Variants in BMERB1 observed in about 807,000 individuals in gnomAD.
BMERB1 encodes bMERB domain containing 1, also known as bMERB domain-containing protein 1.
In BMERB1, 12 loss-of-function variants were observed where a neutral mutation model predicts 23.6. That is an observed-to-expected ratio of 0.51 (90% confidence interval 0.33 to 0.82). The LOEUF (loss-of-function observed/expected upper bound fraction) is 0.82. BMERB1 is among the 40% of genes least tolerant of loss of function. BMERB1 has a pLI of 0.03. For missense variants in BMERB1, 247 were observed against 255.4 expected, an observed-to-expected ratio of 0.97 and a Z score of 0.22; for synonymous variants, 122 against 96.6, an observed-to-expected ratio of 1.26 and a Z score of -1.54.
chr16:15,498,237 A>T (rs1356602886), intron 1 of BMERB1, among the ~76,000 whole-genome samples: 1 of 150,354 alleles, frequency 6.7e-6, no homozygotes, highest in East Asian at 1.9e-4. Context: ...GGAGCACAAT[A>T]AAAAAACTCT....
chr16:15,552,680 C>T (rs921095005), intron 2 of BMERB1, among the ~76,000 whole-genome samples: 1 of 152,204 alleles, frequency 6.6e-6, no homozygotes, highest in Non-Finnish European at 1.5e-5. Flanking sequence ...GTGGGAAGAG[C>T]CCTGCTGTCT....
chr16:15,563,423 G>A (rs1269775042), intron 2 of BMERB1, among the ~76,000 whole-genome samples: 1 of 151,984 alleles, frequency 6.6e-6, no homozygotes, highest in African/African-American at 2.4e-5. Flanking sequence ...GTTTCACCAT[G>A]TTAGACAGGA....
At chr16:15,570,578 G>C (rs1280710152) in intron 3 of BMERB1, among the ~76,000 whole-genome samples, 2 of 152,108 alleles carry the variant, frequency 1.3e-5, no homozygotes, top group East Asian at 3.9e-4. Flanking sequence ...ACCTGAAAGG[G>C]ATCCTGATCC....
At chr16:15,584,557 CAA>C (rs35390787) in intron 5 of BMERB1, among the ~76,000 whole-genome samples, 13 of 125,122 alleles carry the variant, frequency 1.0e-4, no homozygotes, top group Non-Finnish European at 1.3e-4. Flanking sequence ...GACTCCATCT[CAA>C]AAAAAAAAAA....
intron 1 of BMERB1, among the ~76,000 whole-genome samples, chr16:15,512,744 T>G (rs1432569480): frequency 6.6e-6 from 1 of 152,012 alleles, no homozygotes; most frequent in Non-Finnish European, 1.5e-5. Flanking sequence ...CTGGGCATGG[T>G]GGCACGAGCC....
rs141517792 is a variant in BMERB1 at position 15,568,365 on chromosome 16, C to T, written c.304+309C>T. On this transcript the variant is annotated intron_variant, in intron 3 of 5. Transcript: ENST00000300006. Reference sequence around the variant, plus strand: ...ATAAATATCCTAAAGAGGCTGGGCACGGTGGCTAATGCCTGTAATCCCAGC... The same window carrying T: ...ATAAATATCCTAAAGAGGCTGGGCATGGTGGCTAATGCCTGTAATCCCAGC... 1.4e-3 allele frequency among the ~76,000 whole-genome samples: 216 copies of T among 152,256 alleles called. 1 individual carries two copies. Among genetic ancestry groups the T allele is most frequent in the South Asian group, 2.3e-3 (11 of 4,824 alleles).
intron 1 of BMERB1, among the ~76,000 whole-genome samples, chr16:15,485,450 G>A (rs1289893611): frequency 1.3e-5 from 2 of 152,116 alleles, no homozygotes; most frequent in Non-Finnish European, 2.9e-5. Flanking sequence ...TATTACCAGC[G>A]CTGAGAAACC....
intron 3 of BMERB1, among the ~76,000 whole-genome samples, chr16:15,579,534 G>A (rs895969313): frequency 2.0e-5 from 3 of 152,124 alleles, no homozygotes; most frequent in Admixed American, 1.3e-4. Context: ...AATGATCAAC[G>A]TCAGTCGTGG....
chr16:15,541,889 A>G (rs11649313), intron 2 of BMERB1, among the ~76,000 whole-genome samples: 1 of 145,554 alleles, frequency 6.9e-6, no homozygotes, highest in Non-Finnish European at 1.5e-5. Flanking sequence ...GGCTTGAGCC[A>G]CCATACCCGG....
intron 2 of BMERB1, among the ~76,000 whole-genome samples, chr16:15,535,417 G>A (rs2052015324): frequency 6.6e-6 from 1 of 152,110 alleles, no homozygotes; most frequent in Non-Finnish European, 1.5e-5. Context: ...AGAGGCCAAG[G>A]TGGGTGGATC....
intron 2 of BMERB1, chr16:15,532,887 G>A (rs2051983551): frequency 2.4e-6 from 1 of 413,364 alleles, no homozygotes; most frequent in Admixed American, 2.7e-5. Flanking sequence ...GTCTTGGATG[G>A]GGTTGCTTTC....
Position 15,586,893 on chromosome 16 carries a change from A to G in BMERB1, c.*64A>G. 3 of 1,026,428 alleles carry G rather than the reference A, an allele frequency of 2.9e-6. No individual in the cohort carries two copies. Among genetic ancestry groups the G allele is most frequent in the South Asian group, 3.2e-5 (2 of 63,272 alleles). 63.6% of individuals were successfully genotyped at this position (1,026,428 alleles called of 1,614,324 possible). A position where few individuals can be genotyped will look rare whatever the true frequency, so the allele number is the denominator to read the frequency against. On this transcript the variant is annotated 3_prime_UTR_variant, in exon 6 of 6. Transcript: ENST00000300006. Reference sequence around the variant, plus strand: ...CCACCCTCTTGTCTTTATAGCCCCCATTTCACCGGGGCCCAAGAGCTCTCC... The same window carrying G: ...CCACCCTCTTGTCTTTATAGCCCCCGTTTCACCGGGGCCCAAGAGCTCTCC...
At chr16:15,498,825 G>T (rs1300980827) in intron 1 of BMERB1, among the ~76,000 whole-genome samples, 1 of 152,228 alleles carries the variant, frequency 6.6e-6, no homozygotes, top group Non-Finnish European at 1.5e-5. Flanking sequence ...GTTGGGGAGA[G>T]GATGCTACTG....
chr16:15,580,908 C>A (rs1282786518), intron 3 of BMERB1, among the ~76,000 whole-genome samples: 2 of 148,572 alleles, frequency 1.3e-5, no homozygotes, highest in Admixed American at 6.7e-5. Flanking sequence ...TTTTTTTTTT[C>A]TTTCTTGAAA....
At chr16:15,562,980 A>G (rs576516057) in intron 2 of BMERB1, among the ~76,000 whole-genome samples, 31 of 152,366 alleles carry the variant, frequency 2.0e-4, no homozygotes, top group African/African-American at 6.0e-4. Context: ...TAGAATGGAC[A>G]GCATGAGTTG....
chr16:15,497,151 T>A (rs1288782855), intron 1 of BMERB1, among the ~76,000 whole-genome samples: 4 of 152,192 alleles, frequency 2.6e-5, no homozygotes, highest in Non-Finnish European at 5.9e-5. Flanking sequence ...AGGCCGACAC[T>A]GAGACAACAA....
At chr16:15,484,622 G>A (rs911541612) in intron 1 of BMERB1, among the ~76,000 whole-genome samples, 1 of 152,038 alleles carries the variant, frequency 6.6e-6, no homozygotes, top group African/African-American at 2.4e-5. Flanking sequence ...GGCTGGTCTC[G>A]AGCTCCTGAC....
intron 1 of BMERB1, among the ~76,000 whole-genome samples, chr16:15,482,372 C>G (rs1026512304): frequency 1.3e-5 from 2 of 152,178 alleles, no homozygotes; most frequent in African/African-American, 4.8e-5. Flanking sequence ...AGCAGAGACA[C>G]TTCCCTGCTG....
At chr16:15,514,999 G>A (rs771261768) in intron 1 of BMERB1, among the ~76,000 whole-genome samples, 12 of 151,998 alleles carry the variant, frequency 7.9e-5, no homozygotes, top group Non-Finnish European at 1.5e-4. Flanking sequence ...GGAGAATGGC[G>A]TGAACCTGGG....
Sources: allele counts gnomAD v4.1 joint callset (sites outside exome capture counted in the v4.1 genomes callset), GRCh38; gene constraint gnomAD v4.1.1; transcripts MANE v1.5; gene names NCBI Gene and HGNC (gene_info 2026-07-23, HGNC 2026-07-21).